Variants in DOCK3 observed in about 807,000 individuals in gnomAD.
DOCK3 encodes the protein dedicator of cytokinesis protein 3.
DOCK3 carries 60 observed loss-of-function variants against 265.6 expected under a neutral mutation model. The observed-to-expected ratio is 0.23, with a 90% CI of 0.18 to 0.28. DOCK3 has a LOEUF of 0.28. Ranked by LOEUF, DOCK3 falls within the 10% of genes least tolerant of loss-of-function variation. The pLI is 1.00. For missense variants in DOCK3, 1,981 were observed against 2,594.3 expected, an observed-to-expected ratio of 0.76 and a Z score of 5.14; for synonymous variants, 881 against 938.0, an observed-to-expected ratio of 0.94 and a Z score of 1.11.
intron 2 of DOCK3, among the ~76,000 whole-genome samples, chr3:50,829,146 T>C (rs1374117116): frequency 1.3e-5 from 2 of 152,226 alleles, no homozygotes; most frequent in Admixed American, 1.3e-4. Flanking sequence ...TGCTGCGCAT[T>C]GTTTCAGTTT....
rs1486037713 is a variant in DOCK3, at chr3:50,702,091, A to G, written c.37+26791A>G. On this transcript the variant is annotated intron_variant, in intron 1 of 52. Transcript: ENST00000266037. ...ATACAAATTTTAGATTGTTTATTCT[A>G]TTTCTGTGAAGAATATAATTGGTAC... 2.0e-5 allele frequency among the ~76,000 whole-genome samples: 3 copies of G among 152,114 alleles called. No homozygotes were observed. The East Asian group carries it at 5.8e-4, about 29-fold the overall frequency.
At chr3:50,957,025 A>G (rs2076750105) in intron 5 of DOCK3, among the ~76,000 whole-genome samples, 1 of 152,122 alleles carries the variant, frequency 6.6e-6, no homozygotes, top group East Asian at 1.9e-4. Flanking sequence ...TTGCCCTCCC[A>G]AAGTGCTGGG....
intron 5 of DOCK3, among the ~76,000 whole-genome samples, chr3:50,983,295 G>C (rs900754336): frequency 1.3e-5 from 2 of 152,132 alleles, no homozygotes; most frequent in African/African-American, 4.8e-5. Context: ...TGGGTGGAAG[G>C]GGGTGGGTCC....
rs2110348226 is a variant in DOCK3, at chr3:51,361,806, C to T, written c.5007-53C>T. ...TCCACACATTCCGCTCTACTGTCCC[C>T]CTGCCACCTGCCATGGGCCTGACTC... On this transcript the variant is annotated intron_variant, in intron 47 of 52. Transcript: ENST00000266037. This position sits in a 1 kb window ranked among gnomAD's most constrained non-coding sequence, Gnocchi z 4.2. 1 of 1,587,480 alleles carries T rather than the reference C, an allele frequency of 6.3e-7. No individual in the cohort carries two copies. The highest frequency in any genetic ancestry group is 1.2e-5 in the South Asian group (1 of 85,384).
rs375701650 is a variant in DOCK3 at position 50,881,062 on chromosome 3, C to T, written c.163-8964C>T. ...TCTCAATAGATGCAGAAAAGGCCTT[C>T]GACAAAATTCAACAGCCCTTCATAA... On this transcript the variant is annotated intron_variant, in intron 3 of 52. Coordinates refer to ENST00000266037, the MANE Select transcript of DOCK3 (RefSeq NM_004947.5). 1.8e-3 allele frequency among the ~76,000 whole-genome samples: 275 copies of T among 152,156 alleles called. 3 individuals are homozygous for T. Among genetic ancestry groups the T allele is most frequent in the East Asian group, 8.1e-3 (42 of 5,180 alleles).
intron 5 of DOCK3, among the ~76,000 whole-genome samples, chr3:51,010,493 T>C (rs1360198736): frequency 1.3e-5 from 2 of 152,192 alleles, no homozygotes; most frequent in African/African-American, 4.8e-5. Flanking sequence ...TTCATCCCTT[T>C]ATTTTGAGCC....
At chr3:51,038,163 C>A (rs1042995722) in intron 5 of DOCK3, among the ~76,000 whole-genome samples, 5 of 152,098 alleles carry the variant, frequency 3.3e-5, no homozygotes, top group African/African-American at 9.7e-5. Flanking sequence ...TGAAAGGGAG[C>A]CCTATTAATC....
intron 9 of DOCK3, among the ~76,000 whole-genome samples, chr3:51,102,162 A>G (rs2083113873): frequency 6.6e-6 from 1 of 152,220 alleles, no homozygotes; most frequent in African/African-American, 2.4e-5. Context: ...GTCTCTGGAC[A>G]CAGACTTCTA....
At chr3:51,169,690 C>T (rs938652959) in intron 12 of DOCK3, among the ~76,000 whole-genome samples, 3 of 151,070 alleles carry the variant, frequency 2.0e-5, no homozygotes, top group East Asian at 1.9e-4. Flanking sequence ...CCTTATGATA[C>T]GAGTTTACCT....
chr3:51,273,052 C>T (rs2080597927), intron 24 of DOCK3, among the ~76,000 whole-genome samples: 1 of 151,490 alleles, frequency 6.6e-6, no homozygotes, highest in Non-Finnish European at 1.5e-5. Flanking sequence ...GTCCCAGCTA[C>T]TCAGGAAGCT....
intron 2 of DOCK3, among the ~76,000 whole-genome samples, chr3:50,832,116 A>T (rs1424803673): frequency 4.6e-5 from 7 of 152,202 alleles, no homozygotes; most frequent in Non-Finnish European, 7.4e-5. Flanking sequence ...TGGGGAAAGG[A>T]TTCCCTATTT....
intron 5 of DOCK3, among the ~76,000 whole-genome samples, chr3:51,033,299 G>T (rs1393729946): frequency 6.6e-6 from 1 of 152,210 alleles, no homozygotes; most frequent in Non-Finnish European, 1.5e-5. Flanking sequence ...ATAATAAGCA[G>T]ATGTTACTTC....
chr3:51,239,199 T>TTTATTTATTTATTTA (rs112142556), intron 21 of DOCK3, among the ~76,000 whole-genome samples: 2 of 146,616 alleles, frequency 1.4e-5, no homozygotes, highest in East Asian at 2.0e-4. Flanking sequence ...AAAGCGTACT[T>TTTATTTATTTATTTA]TTTATTTATT....
intron 3 of DOCK3, among the ~76,000 whole-genome samples, chr3:50,889,786 T>A (rs1042768376): frequency 6.6e-6 from 1 of 152,036 alleles, no homozygotes; most frequent in Non-Finnish European, 1.5e-5. Flanking sequence ...AAATTTAAAG[T>A]TTTATTTTTG....
intron 1 of DOCK3, among the ~76,000 whole-genome samples, chr3:50,703,581 A>C (rs569745107): frequency 7.9e-5 from 12 of 151,774 alleles, no homozygotes; most frequent in Admixed American, 7.2e-4. Flanking sequence ...CCAAGAATTT[A>C]GATATTTTCG....
At chr3:51,349,581 T>C (rs1422165847) in intron 39 of DOCK3, among the ~76,000 whole-genome samples, 2 of 152,228 alleles carry the variant, frequency 1.3e-5, no homozygotes, top group Non-Finnish European at 2.9e-5. Context: ...TCTTAACCAG[T>C]TCTGGCAGGC....
At chr3:51,294,594 C>T (rs954151128) in intron 27 of DOCK3, among the ~76,000 whole-genome samples, 11 of 149,696 alleles carry the variant, frequency 7.3e-5, no homozygotes, top group Non-Finnish European at 1.2e-4. Context: ...AGGAAGATGG[C>T]GTGAACCCGG....
intron 5 of DOCK3, among the ~76,000 whole-genome samples, chr3:50,962,873 T>C (rs1328055093): frequency 6.6e-6 from 1 of 152,220 alleles, no homozygotes; most frequent in African/African-American, 2.4e-5. Context: ...TTAAATGCAA[T>C]AATTAAACTT....
At chr3:50,869,664 G>A (rs1041409044) in intron 3 of DOCK3, among the ~76,000 whole-genome samples, 3 of 150,994 alleles carry the variant, frequency 2.0e-5, no homozygotes, top group Non-Finnish European at 4.4e-5. Flanking sequence ...GAGCCACCAT[G>A]TGCGACCTGA....
Sources: gnomAD v4.1 joint callset for allele counts (sites outside exome capture counted in the v4.1 genomes callset) on GRCh38, gnomAD v4.1.1 for gene constraint, Gnocchi (gnomAD v3.1) non-coding constraint, MANE v1.5 for transcripts, NCBI Gene and HGNC (gene_info 2026-07-23, HGNC 2026-07-21) for gene names.